The following MIA2 variants were observed in gnomAD, a reference collection of about 807,000 sequenced individuals.
MIA2 encodes melanoma inhibitory activity protein 2.
In MIA2, 127 loss-of-function variants were observed where a neutral mutation model predicts 167.8. The observed-to-expected ratio is 0.76, with a 90% CI of 0.66 to 0.88. The LOEUF is 0.88. MIA2 is among the 40% of genes least tolerant of loss of function. The probability of loss-of-function intolerance (pLI) is 0.00; values close to 1 mark genes in which losing one functional copy is unlikely to be tolerated. For synonymous variants in MIA2, 552 were observed against 541.9 expected, an observed-to-expected ratio of 1.02 and a Z score of -0.26; for missense variants, 1,690 against 1,624.7, an observed-to-expected ratio of 1.04 and a Z score of -0.69.
At position 39,300,975 on chromosome 14, in the gene MIA2, C is replaced by T. The variant is rs200776222; in HGVS notation, c.2619+989C>T. On this transcript the variant is annotated intron_variant, in intron 14 of 28. Transcript: ENST00000640607. Reference sequence around the variant, plus strand: ...ACACATACATATACACATATATACACATATATACATATATACACATATATA... The same window carrying T: ...ACACATACATATACACATATATACATATATATACATATATACACATATATA... Among the ~76,000 whole-genome samples the T allele has an allele frequency of 1.3e-4, 12 of 92,688 alleles. 1 individual carries two copies. Among genetic ancestry groups the T allele is most frequent in the South Asian group, 3.1e-4 (1 of 3,244 alleles). The allele number at this position is 92,688 out of a possible 152,430, so 60.8% of individuals were successfully genotyped here.
At chr14:39,342,965 G>C (rs959943679) in intron 25 of MIA2, among the ~76,000 whole-genome samples, 2 of 152,100 alleles carry the variant, frequency 1.3e-5, no homozygotes, top group South Asian at 4.1e-4. Flanking sequence ...TGGTATTTCA[G>C]TGTATAAGAA....
At chr14:39,302,016 G>A in intron 14 of MIA2, 113 bp from the exon 15 acceptor site, 2 of 1,175,864 alleles carry the variant, frequency 1.7e-6, no homozygotes, top group Non-Finnish European at 2.4e-6. Context: ...AAGAGCTCTT[G>A]TGTTGTTATT....
rs2073135146 is a variant in MIA2, at chr14:39,345,900, C to G, written c.3656-4C>G. 1.9e-6 allele frequency: 3 copies of G among 1,601,258 alleles called. No homozygotes were observed. Among genetic ancestry groups the G allele is most frequent in the Admixed American group, 1.7e-5 (1 of 57,324 alleles). On this transcript the variant is annotated splice_region_variant and splice_polypyrimidine_tract_variant and intron_variant, in intron 25 of 28. Coordinates refer to ENST00000640607, the MANE Select transcript of MIA2 (RefSeq NM_001329214.4). ...TGAAGACATTTTAAAAACTTATTTT[C>G]TAGGACAATCATATCCTGATTCAGC...
At chr14:39,368,164 T>C (rs900306280) in intron 23 of MIA2, among the ~76,000 whole-genome samples, 1 of 152,116 alleles carries the variant, frequency 6.6e-6, no homozygotes, top group Non-Finnish European at 1.5e-5. Flanking sequence ...AATGAAGAGA[T>C]TTATTGAGGA....
chr14:39,261,922 T>C (rs995655000), intron 6 of MIA2, among the ~76,000 whole-genome samples: 2 of 152,188 alleles, frequency 1.3e-5, no homozygotes, highest in African/African-American at 4.8e-5. Flanking sequence ...TGCAAAAATT[T>C]TGTCCCATTC....
chr14:39,330,900 T>G (rs2068716332), intron 25 of MIA2, among the ~76,000 whole-genome samples: 1 of 152,196 alleles, frequency 6.6e-6, no homozygotes, highest in African/African-American at 2.4e-5. Flanking sequence ...GATTTTAGAA[T>G]AAGTGCTATG....
At chr14:39,308,797 T>A (rs561333831) in intron 18 of MIA2, among the ~76,000 whole-genome samples, 6 of 152,342 alleles carry the variant, frequency 3.9e-5, no homozygotes, top group African/African-American at 1.4e-4. Context: ...TCCAAGCTAG[T>A]TAACAGAATC....
intron 25 of MIA2, among the ~76,000 whole-genome samples, chr14:39,333,583 T>C (rs2069478482): frequency 6.6e-6 from 1 of 152,192 alleles, no homozygotes; most frequent in South Asian, 2.1e-4. Flanking sequence ...TTTTGACTGC[T>C]GTGTGCTGCA....
At chr14:39,312,921 T>G (rs981399325) in intron 18 of MIA2, among the ~76,000 whole-genome samples, 5 of 152,004 alleles carry the variant, frequency 3.3e-5, no homozygotes, top group African/African-American at 1.2e-4. Flanking sequence ...GTGTGTTTAC[T>G]TGCCTGGAAG....
chr14:39,327,119 C>G, intron 25 of MIA2, 97 bp downstream of exon 25: 3 of 943,244 alleles, frequency 3.2e-6, no homozygotes, highest in Non-Finnish European at 4.4e-6. Context: ...TTTGTTCTCT[C>G]TTAAGAAAAA....
intron 19 of MIA2, 142 bp from the exon 20 acceptor site, chr14:39,314,597 G>A (rs1204479692): frequency 7.5e-6 from 4 of 531,448 alleles, no homozygotes; most frequent in Non-Finnish European, 1.3e-5. Context: ...ATTTCTTAAT[G>A]TGGAGTTCTG....
In MIA2 at chr14:39,337,388, A is replaced by G. The variant is rs2070681763; in HGVS notation, c.3656-8516A>G. Among the ~76,000 whole-genome samples the G allele has an allele frequency of 1.3e-5, 2 of 152,198 alleles. 1 individual carries two copies. Among genetic ancestry groups the G allele is most frequent in the South Asian group, 4.1e-4 (2 of 4,830 alleles). On this transcript the variant is annotated intron_variant, in intron 25 of 28. Transcript: ENST00000640607. ...AATTGATGGAACAACTGAAGAGAAA[A>G]TTCAGCAAGTATATAGAAGAACTGA...
intron 28 of MIA2, among the ~76,000 whole-genome samples, 176 bp from the exon 29 acceptor site, chr14:39,349,922 A>T (rs2074169575): frequency 6.6e-6 from 1 of 152,186 alleles, no homozygotes; most frequent in Non-Finnish European, 1.5e-5. Context: ...AATCATCTGT[A>T]TTTGAAGAGG....
chr14:39,385,272 A>C, intron 23 of MIA2: 1 of 619,674 alleles, frequency 1.6e-6, no homozygotes, highest in East Asian at 2.6e-5. Context: ...GTTGTTTCCT[A>C]TGCAGTAAAG....
Position 39,252,763 on chromosome 14 carries a change from T to C in MIA2, c.1583T>C (p.Ile528Thr). Residue 528 changes from isoleucine to threonine, a missense_variant, in exon 5 of 29, where the codon ATA (isoleucine) becomes ACA (threonine). Transcript: ENST00000640607. The stretch of plus-strand genomic sequence containing the variant: ...TTATTTGTAGATATGGTCTCTAACA[T>C]AGAGTTACCTACGAGAATTCACGAA... Reference protein sequence around the residue: ...SYSLSDMVSNIELPTRIHEEV... With the variant: ...SYSLSDMVSNTELPTRIHEEV... 4 of 1,610,976 alleles carry C rather than the reference T, an allele frequency of 2.5e-6. No homozygotes were observed. Among genetic ancestry groups the C allele is most frequent in the South Asian group, 1.1e-5 (1 of 90,864 alleles).
chr14:39,317,914 A>T, intron 21 of MIA2, 30 bp from the exon 22 acceptor site: 1 of 1,469,370 alleles, frequency 6.8e-7, no homozygotes, highest in Non-Finnish European at 9.2e-7. Flanking sequence ...TTATATAAAT[A>T]TATTTTTAAA....
chr14:39,237,271 G>A (rs1037894970), intron 2 of MIA2: 10 of 566,514 alleles, frequency 1.8e-5, no homozygotes, highest in Non-Finnish European at 2.8e-5. Flanking sequence ...GGGACTACAG[G>A]TGTGTGTCAC....
intron 22 of MIA2, among the ~76,000 whole-genome samples, chr14:39,318,640 T>G (rs193020441): frequency 1.0e-3 from 153 of 152,280 alleles, no homozygotes; most frequent in African/African-American, 3.5e-3. Context: ...GTTTTATATC[T>G]CATGATTAAG....
chr14:39,320,243 T>G (rs894585128), intron 23 of MIA2, among the ~76,000 whole-genome samples: 3 of 152,148 alleles, frequency 2.0e-5, no homozygotes, highest in African/African-American at 7.2e-5. Flanking sequence ...ATTTTGGTGG[T>G]TTTTGTTTGT....
Sources: gnomAD v4.1 joint callset for allele counts (sites outside exome capture counted in the v4.1 genomes callset) on GRCh38, gnomAD v4.1.1 for gene constraint, MANE v1.5 for transcripts, NCBI Gene and HGNC (gene_info 2026-07-23, HGNC 2026-07-21) for gene names.